The following MYO3B variants were observed in gnomAD, a reference collection of about 807,000 sequenced individuals.
The protein encoded by MYO3B is myosin-IIIb.
A neutral mutation model predicts 174.6 loss-of-function variants in MYO3B; 156 were observed. The ratio of observed to expected loss-of-function variants is 0.89; its 90% CI spans 0.78 to 1.02. The LOEUF (loss-of-function observed/expected upper bound fraction) is 1.02. MYO3B is among the 50% of genes least tolerant of loss of function. MYO3B has a pLI of 0.00. For synonymous variants in MYO3B, 563 were observed against 569.1 expected, an observed-to-expected ratio of 0.99 and a Z score of 0.15; for missense variants, 1,632 against 1,639.4, an observed-to-expected ratio of 1.00 and a Z score of 0.08.
At chr2:170,432,977 T>C (rs1483003596) in intron 22 of MYO3B, among the ~76,000 whole-genome samples, 1 of 152,196 alleles carries the variant, frequency 6.6e-6, no homozygotes. Flanking sequence ...TAATGTACAG[T>C]GAATGTAATG....
intron 25 of MYO3B, among the ~76,000 whole-genome samples, chr2:170,483,329 T>C (rs920852399): frequency 6.6e-6 from 1 of 151,170 alleles, no homozygotes; most frequent in Non-Finnish European, 1.5e-5. Flanking sequence ...TTGCCCAGCT[T>C]ACTCTGGAAA....
intron 25 of MYO3B, among the ~76,000 whole-genome samples, chr2:170,495,039 T>C (rs545793512): frequency 6.6e-6 from 1 of 152,286 alleles, no homozygotes; most frequent in South Asian, 2.1e-4. Context: ...CTCCAATATA[T>C]AAAATCAATT....
chr2:170,265,190 C>T (rs112490247), intron 7 of MYO3B, among the ~76,000 whole-genome samples: 109 of 152,284 alleles, frequency 7.2e-4, no homozygotes, highest in African/African-American at 2.4e-3. Context: ...AAGTCTTCCT[C>T]TAGTTGGAGA....
intron 32 of MYO3B, among the ~76,000 whole-genome samples, chr2:170,648,653 TA>T (rs1388076698): frequency 2.3e-5 from 2 of 85,440 alleles, no homozygotes; most frequent in African/African-American, 1.8e-4. Flanking sequence ...ATATTCTATA[TA>T]ATATATATTA....
At chr2:170,501,102 T>C (rs1332281308) in intron 27 of MYO3B, among the ~76,000 whole-genome samples, 1 of 139,100 alleles carries the variant, frequency 7.2e-6, no homozygotes, top group African/African-American at 2.6e-5. Flanking sequence ...AAAGACATTA[T>C]GCTCCTCGTG....
At chr2:170,641,737 C>T (rs932074176) in intron 32 of MYO3B, among the ~76,000 whole-genome samples, 1 of 151,920 alleles carries the variant, frequency 6.6e-6, no homozygotes, top group African/African-American at 2.4e-5. Flanking sequence ...AAACTTTTCA[C>T]TGCTTAACTT....
At chr2:170,649,592 C>T (rs754886505) in intron 32 of MYO3B, among the ~76,000 whole-genome samples, 9 of 149,282 alleles carry the variant, frequency 6.0e-5, no homozygotes, top group Non-Finnish European at 1.2e-4. Context: ...TTTAGGAGGC[C>T]GAGGAGGGCA....
At chr2:170,192,164 A>C (rs969183229) in intron 1 of MYO3B, among the ~76,000 whole-genome samples, 1 of 151,978 alleles carries the variant, frequency 6.6e-6, no homozygotes, top group Non-Finnish European at 1.5e-5. Flanking sequence ...GGAATTATCT[A>C]TTCTTTGAAG....
At chr2:170,424,899 T>C (rs1245559921) in intron 22 of MYO3B, among the ~76,000 whole-genome samples, 5 of 152,266 alleles carry the variant, frequency 3.3e-5, no homozygotes, top group Admixed American at 6.5e-5. Context: ...ATTCTGCTTC[T>C]CTCTGCCAGC....
chr2:170,555,220 A>G (rs1247103065), intron 32 of MYO3B, among the ~76,000 whole-genome samples: 2 of 152,200 alleles, frequency 1.3e-5, no homozygotes, highest in African/African-American at 4.8e-5. Context: ...TTCTATAATT[A>G]ACATCTTGTA....
intron 25 of MYO3B, among the ~76,000 whole-genome samples, chr2:170,472,239 C>A (rs753179654): frequency 2.6e-5 from 4 of 152,140 alleles, no homozygotes; most frequent in African/African-American, 9.7e-5. Context: ...ATCCAGGCCC[C>A]CATGGGGTGA....
Position 170,190,719 on chromosome 2 carries a change from C to A in MYO3B, c.3-8489C>A, listed in dbSNP as rs1024937140. On this transcript the variant is annotated intron_variant, in intron 1 of 34. Coordinates refer to ENST00000408978, the MANE Select transcript of MYO3B (RefSeq NM_138995.5). ...TCAGCTTATGATGAATGCTGCCAGG[C>A]CTGGGACTCTCCCTTCAGGGTAGTA... Among the ~76,000 whole-genome samples, 4 of 152,048 alleles carry A rather than the reference C, an allele frequency of 2.6e-5. No individual in the cohort carries two copies. In the South Asian group the frequency reaches 8.3e-4, roughly 32 times the overall value.
intron 32 of MYO3B, among the ~76,000 whole-genome samples, chr2:170,594,813 C>T (rs1694036145): frequency 6.8e-6 from 1 of 147,850 alleles, no homozygotes; most frequent in Non-Finnish European, 1.5e-5. Flanking sequence ...AGTATGCACT[C>T]TTTCCCAGCG....
chr2:170,592,956 A>G (rs890412540), intron 32 of MYO3B, among the ~76,000 whole-genome samples: 2 of 152,136 alleles, frequency 1.3e-5, no homozygotes, highest in Admixed American at 1.3e-4. Context: ...ATATAGATAT[A>G]TATCTATAGA....
At chr2:170,243,329 T>C (rs112465281) in intron 7 of MYO3B, among the ~76,000 whole-genome samples, 1 of 152,240 alleles carries the variant, frequency 6.6e-6, no homozygotes, top group African/African-American at 2.4e-5. Context: ...CTCTGGTCCA[T>C]GTTGTTTCTT....
chr2:170,600,488 A>G (rs1024259161), intron 32 of MYO3B, among the ~76,000 whole-genome samples: 2 of 152,158 alleles, frequency 1.3e-5, no homozygotes, highest in Non-Finnish European at 2.9e-5. Flanking sequence ...CCTTCCTCTG[A>G]TCTACTTGGA....
At chr2:170,316,350 G>A (rs746032515) in intron 7 of MYO3B, among the ~76,000 whole-genome samples, 1 of 152,166 alleles carries the variant, frequency 6.6e-6, no homozygotes, top group Non-Finnish European at 1.5e-5. Context: ...TTCTTAAAAT[G>A]GTCTTTAAAT....
chr2:170,651,252 G>A (rs904826728), intron 32 of MYO3B, among the ~76,000 whole-genome samples: 1 of 152,168 alleles, frequency 6.6e-6, no homozygotes, highest in East Asian at 1.9e-4. Context: ...CTCATTGCAG[G>A]ATGTGGTGCA....
intron 8 of MYO3B, among the ~76,000 whole-genome samples, chr2:170,362,706 G>T (rs1348805557): frequency 6.6e-6 from 1 of 152,162 alleles, no homozygotes; most frequent in African/African-American, 2.4e-5. Context: ...CAAATGTGAA[G>T]TTAGCATGCA....
Sources: allele counts gnomAD v4.1 joint callset (sites outside exome capture counted in the v4.1 genomes callset), GRCh38; gene constraint gnomAD v4.1.1; transcripts MANE v1.5; gene names NCBI Gene and HGNC (gene_info 2026-07-23, HGNC 2026-07-21).